Variants in CEP83 observed in about 807,000 individuals in gnomAD.
The protein encoded by CEP83 is centrosomal protein of 83 kDa.
In CEP83, 70 loss-of-function variants were observed where a neutral mutation model predicts 101.9. The observed-to-expected ratio is 0.69, with a 90% confidence interval of 0.57 to 0.84. The LOEUF is 0.84. Ranked by LOEUF, CEP83 falls within the 40% of genes least tolerant of loss-of-function variation. CEP83 has a pLI of 0.00. For missense variants in CEP83, 715 were observed against 787.2 expected, an observed-to-expected ratio of 0.91 and a Z score of 1.10; for synonymous variants, 264 against 267.9, an observed-to-expected ratio of 0.99 and a Z score of 0.14.
At chr12:94,346,784 G>T (rs2059952332) in intron 11 of CEP83, among the ~76,000 whole-genome samples, 1 of 152,168 alleles carries the variant, frequency 6.6e-6, no homozygotes, top group African/African-American at 2.4e-5. Flanking sequence ...GGTCACAGAA[G>T]TTTTCTGTGT....
At chr12:94,444,697 T>C (rs1376926765) in intron 1 of CEP83, among the ~76,000 whole-genome samples, 1 of 152,088 alleles carries the variant, frequency 6.6e-6, no homozygotes, top group Admixed American at 6.5e-5. Context: ...AAAAAGAGAC[T>C]ATTAAAAAAG....
intron 15 of CEP83, chr12:94,312,546 C>T: frequency 1.0e-6 from 1 of 984,704 alleles, no homozygotes; most frequent in Non-Finnish European, 1.2e-6. Flanking sequence ...TCAATAAAAT[C>T]TCCACACCAG....
chr12:94,378,197 T>A (rs2061651646), intron 7 of CEP83, among the ~76,000 whole-genome samples: 1 of 152,188 alleles, frequency 6.6e-6, no homozygotes, highest in African/African-American at 2.4e-5. Flanking sequence ...AATAAGTGTA[T>A]CTGAATAAAA....
chr12:94,426,751 C>A (rs543995186), intron 2 of CEP83, among the ~76,000 whole-genome samples: 1 of 152,106 alleles, frequency 6.6e-6, no homozygotes, highest in East Asian at 1.9e-4. Flanking sequence ...AAAACAATCA[C>A]ATGTATCCTT....
rs117757553 is a variant in CEP83 at position 94,319,475 on chromosome 12, G to A, written c.1708-6458C>T. On this transcript the variant is annotated intron_variant, in intron 14 of 16. Coordinates refer to ENST00000397809, the MANE Select transcript of CEP83 (RefSeq NM_016122.3). The stretch of plus-strand genomic sequence containing the variant: ...GTTTTAGTTGTGCTGCTAGGTTGCT[G>A]ATATCTTTTTTAACTGTTTGATGTG... Among the ~76,000 whole-genome samples, 120 of 152,182 alleles carry A rather than the reference G, an allele frequency of 7.9e-4. 1 individual carries two copies. The East Asian group carries it at 0.022, about 28-fold the overall frequency.
intron 1 of CEP83, among the ~76,000 whole-genome samples, chr12:94,446,235 C>T (rs1220585618): frequency 6.6e-6 from 1 of 152,156 alleles, no homozygotes; most frequent in Non-Finnish European, 1.5e-5. Flanking sequence ...TTATAGCTCA[C>T]ATTTATTTCA....
chr12:94,399,123 T>C (rs545312662), intron 6 of CEP83, among the ~76,000 whole-genome samples: 12 of 152,218 alleles, frequency 7.9e-5, no homozygotes, highest in Non-Finnish European at 1.6e-4. Context: ...TGTTCTCCTT[T>C]TTGCCCTTTG....
chr12:94,404,666 T>A lies in CEP83; in HGVS notation c.325-1404A>T, dbSNP rs371306863. Among the ~76,000 whole-genome samples, 16 of 152,280 alleles carry A rather than the reference T, an allele frequency of 1.1e-4. No homozygotes were observed. In the East Asian group the frequency reaches 1.9e-3, roughly 18 times the overall value. On this transcript the variant is annotated intron_variant, in intron 4 of 16. Coordinates refer to ENST00000397809, the MANE Select transcript of CEP83 (RefSeq NM_016122.3). ...AATACCAGGTTTAGACTCTTATTAT[T>A]TATTCAGTATTCAATAGTATTTACT...
At chr12:94,377,520 A>G (rs116363074) in intron 7 of CEP83, among the ~76,000 whole-genome samples, 14 of 152,308 alleles carry the variant, frequency 9.2e-5, no homozygotes, top group African/African-American at 3.4e-4. Flanking sequence ...ACAATTAGGG[A>G]AAAAAACTAT....
In CEP83 at chr12:94,363,219, T is replaced by C. The variant is rs556341508; in HGVS notation, c.1343+4575A>G. Among the ~76,000 whole-genome samples, 13 of 152,336 alleles carry C rather than the reference T, an allele frequency of 8.5e-5. No individual in the cohort carries two copies. In the South Asian group the frequency reaches 1.4e-3, roughly 17 times the overall value. On this transcript the variant is annotated intron_variant, in intron 11 of 16. Coordinates refer to ENST00000397809, the MANE Select transcript of CEP83 (RefSeq NM_016122.3). ...AGAACATATGAAATGTTTGAGGTGA[T>C]TGAATATGCTAATTACCCTGATTTG...
chr12:94,453,123 G>T (rs181400776), intron 1 of CEP83, among the ~76,000 whole-genome samples: 1 of 152,098 alleles, frequency 6.6e-6, no homozygotes, highest in African/African-American at 2.4e-5. Flanking sequence ...TTCTTTCTTT[G>T]GTTTCCAAAA....
At position 94,309,998 on chromosome 12, in the gene CEP83, T is replaced by C. The variant is rs1396524186; in HGVS notation, c.1921A>G (p.Thr641Ala). The C allele has an allele frequency of 2.5e-6, 4 of 1,612,896 alleles. No homozygotes were observed. Among genetic ancestry groups the C allele is most frequent in the African/African-American group, 1.3e-5 (1 of 75,000 alleles). ...SLILVPNMPPTASINPVSFQS... is the reference protein window; with the variant it reads ...SLILVPNMPPAASINPVSFQS... The stretch of plus-strand genomic sequence containing the variant: ...AAGCTAACAGGATTGATAGATGCTG[T>C]TGGAGGCATGTTAGGAACCAAAATT... The change falls in exon 16 of 17, where the codon ACA becomes GCA. Residue 641 changes from threonine (T) to alanine (A), a missense_variant. By Grantham distance (58) the Thr-to-Ala change is moderately conservative (BLOSUM62 0). Coordinates refer to ENST00000397809, the MANE Select transcript of CEP83 (RefSeq NM_016122.3).
chr12:94,394,054 G>A (rs1323811349), intron 6 of CEP83, among the ~76,000 whole-genome samples: 2 of 152,098 alleles, frequency 1.3e-5, no homozygotes, highest in Non-Finnish European at 2.9e-5. Flanking sequence ...ACTGCCCAAG[G>A]TAATTTAGAT....
intron 2 of CEP83, among the ~76,000 whole-genome samples, chr12:94,423,448 C>A (rs928376659): frequency 1.7e-4 from 22 of 130,388 alleles, no homozygotes; most frequent in Admixed American, 3.0e-4. Context: ...CCAGACCAAT[C>A]TGGTTCAACT....
intron 11 of CEP83, among the ~76,000 whole-genome samples, chr12:94,364,689 G>A (rs1276336915): frequency 6.6e-6 from 1 of 152,036 alleles, no homozygotes; most frequent in Non-Finnish European, 1.5e-5. Context: ...ACAACCAGAT[G>A]AGTGAAACAG....
the CEP83 span, among the ~76,000 whole-genome samples, chr12:94,276,595 C>G: frequency 6.6e-6 from 1 of 152,208 alleles, no homozygotes; most frequent in East Asian, 1.9e-4. Context: ...TGAGCTGTTC[C>G]TGGAGCAAGT....
rs146344656 is a variant in CEP83 at position 94,458,431 on chromosome 12, G to A, written c.-155+1126C>T. Among the ~76,000 whole-genome samples, 123 of 152,172 alleles carry A rather than the reference G, an allele frequency of 8.1e-4. 1 individual carries two copies. The East Asian group carries it at 0.022, about 27-fold the overall frequency. On this transcript the variant is annotated intron_variant, in intron 1 of 16. Transcript: ENST00000397809. ...TTTGCAACTCTCAGGAGAGTCCTGT[G>A]TGACACTTATAATTTAAAGCATTCT...
chr12:94,320,924 T>C (rs1188878403), intron 14 of CEP83, among the ~76,000 whole-genome samples: 1 of 152,220 alleles, frequency 6.6e-6, no homozygotes, highest in Non-Finnish European at 1.5e-5. Context: ...GTCTCTCTAG[T>C]GAGGCTGAGG....
At chr12:94,279,787 G>A in the CEP83 span, 1 of 799,090 alleles carries the variant, frequency 1.3e-6, no homozygotes, top group Non-Finnish European at 2.1e-6. Context: ...TTCCTGGAGG[G>A]CATGTCTAGG....
Sources: gnomAD v4.1 joint callset for allele counts (sites outside exome capture counted in the v4.1 genomes callset) on GRCh38, gnomAD v4.1.1 for gene constraint, MANE v1.5 for transcripts, NCBI Gene and HGNC (gene_info 2026-07-23, HGNC 2026-07-21) for gene names.